KCNQ5: variants seen among roughly 807,000 people sequenced by gnomAD.
KCNQ5 encodes potassium voltage-gated channel subfamily KQT member 5.
Under a neutral mutation model 98.2 loss-of-function variants are expected in KCNQ5, and 30 were observed. That is an observed-to-expected ratio of 0.31 (90% CI 0.23 to 0.41). KCNQ5 has a LOEUF of 0.41. Among genes scored for constraint, KCNQ5 ranks in the 10% least tolerant of loss-of-function variants. KCNQ5 has a pLI of 1.00. For synonymous variants in KCNQ5, 458 were observed against 449.4 expected (o/e 1.02, Z -0.24); for missense variants, 835 against 1,182.5 (o/e 0.71, Z 4.31).
chr6:72,905,362 A>G (rs1377217043), intron 1 of KCNQ5, among the ~76,000 whole-genome samples: 1 of 151,974 alleles, frequency 6.6e-6, no homozygotes, highest in Non-Finnish European at 1.5e-5. Flanking sequence ...AACCTCCTGA[A>G]TTCTTTTACA....
At chr6:72,998,504 T>C (rs1769407985) in intron 1 of KCNQ5, among the ~76,000 whole-genome samples, 1 of 151,972 alleles carries the variant, frequency 6.6e-6, no homozygotes, top group Admixed American at 6.6e-5. Flanking sequence ...GGGAGGCCGA[T>C]GCGGGCGGAT....
chr6:72,958,411 C>T (rs1204099828), intron 1 of KCNQ5, among the ~76,000 whole-genome samples: 1 of 152,132 alleles, frequency 6.6e-6, no homozygotes, highest in African/African-American at 2.4e-5. Context: ...GGTTTAATAT[C>T]CTGCCTGTCT....
chr6:73,104,262 C>T (rs1774914520), intron 5 of KCNQ5, among the ~76,000 whole-genome samples: 1 of 152,014 alleles, frequency 6.6e-6, no homozygotes, highest in East Asian at 1.9e-4. Context: ...TTACAGGAGA[C>T]ACAATCAACA....
intron 2 of KCNQ5, among the ~76,000 whole-genome samples, chr6:73,027,847 C>T (rs1356441014): frequency 6.6e-6 from 1 of 152,078 alleles, no homozygotes; most frequent in East Asian, 1.9e-4. Context: ...AGATAAGATT[C>T]CACTGAATCC....
intron 1 of KCNQ5, among the ~76,000 whole-genome samples, chr6:72,676,257 G>A (rs1488302881): frequency 6.6e-6 from 1 of 152,188 alleles, no homozygotes; most frequent in Non-Finnish European, 1.5e-5. Flanking sequence ...TGGGAGAAGT[G>A]TGTGGGAATG....
chr6:73,129,774 C>G (rs1450614164), intron 9 of KCNQ5: 2 of 1,607,030 alleles, frequency 1.2e-6, no homozygotes, highest in Non-Finnish European at 1.7e-6. Flanking sequence ...ATGTGCTGCT[C>G]TATTTCCCTC....
intron 1 of KCNQ5, among the ~76,000 whole-genome samples, chr6:72,912,006 T>G (rs1779960836): frequency 6.6e-6 from 1 of 152,166 alleles, no homozygotes; most frequent in Non-Finnish European, 1.5e-5. Context: ...CATTCTTCAC[T>G]GCAAGCTTCA....
At chr6:72,730,716 C>T (rs985606714) in intron 1 of KCNQ5, among the ~76,000 whole-genome samples, 7 of 152,034 alleles carry the variant, frequency 4.6e-5, no homozygotes, top group African/African-American at 1.7e-4. Context: ...ATTACTGAGG[C>T]TTTATGGTGT....
At chr6:73,120,239 C>A (rs979127976) in intron 7 of KCNQ5, among the ~76,000 whole-genome samples, 1 of 151,930 alleles carries the variant, frequency 6.6e-6, no homozygotes, top group Non-Finnish European at 1.5e-5. Flanking sequence ...GAGTGAGAGT[C>A]CATCTCAAAA....
At chr6:73,067,886 AT>A (rs1562159075) in intron 3 of KCNQ5, among the ~76,000 whole-genome samples, 348 of 8,950 alleles carry the variant, frequency 0.039, 3 homozygotes, top group African/African-American at 0.065. Flanking sequence ...ATATATATAT[AT>A]ATATATATAT....
chr6:73,043,717 A>C (rs560313869), intron 3 of KCNQ5, among the ~76,000 whole-genome samples: 6 of 152,322 alleles, frequency 3.9e-5, no homozygotes, highest in African/African-American at 1.4e-4. Context: ...TTCATTCCAG[A>C]TTTTAAAACC....
chr6:73,036,954 C>T (rs1166388720), intron 2 of KCNQ5, among the ~76,000 whole-genome samples: 1 of 152,196 alleles, frequency 6.6e-6, no homozygotes, highest in Non-Finnish European at 1.5e-5. Context: ...TTTACATTCC[C>T]ATCAGCAGTG....
At chr6:72,890,588 C>G (rs1209246006) in intron 1 of KCNQ5, among the ~76,000 whole-genome samples, 1 of 152,112 alleles carries the variant, frequency 6.6e-6, no homozygotes, top group African/African-American at 2.4e-5. Context: ...AATTGTGCCA[C>G]CACTGGCACC....
intron 9 of KCNQ5, chr6:73,125,344 G>A (rs1261153498): frequency 4.0e-6 from 2 of 504,830 alleles, no homozygotes; most frequent in African/African-American, 3.9e-5. Flanking sequence ...CTAGATTTGA[G>A]AGCAAAGCCC....
At chr6:73,053,850 C>A (rs1405090014) in intron 3 of KCNQ5, among the ~76,000 whole-genome samples, 1 of 151,820 alleles carries the variant, frequency 6.6e-6, no homozygotes. Context: ...TCAAAATCTG[C>A]ACTAAACTGA....
intron 1 of KCNQ5, among the ~76,000 whole-genome samples, chr6:72,947,543 C>G (rs1562086592): frequency 6.6e-6 from 1 of 152,048 alleles, no homozygotes; most frequent in African/African-American, 2.4e-5. Flanking sequence ...AATGAAATAC[C>G]AATGGAAGTG....
chr6:72,809,391 A>G (rs1361296738), intron 1 of KCNQ5, among the ~76,000 whole-genome samples: 1 of 152,054 alleles, frequency 6.6e-6, no homozygotes, highest in Non-Finnish European at 1.5e-5. Context: ...TTAAAGTATA[A>G]TAATAAAAAA....
intron 1 of KCNQ5, among the ~76,000 whole-genome samples, chr6:72,754,303 T>C (rs1020870458): frequency 2.0e-5 from 3 of 152,170 alleles, no homozygotes; most frequent in Admixed American, 2.0e-4. Flanking sequence ...GTAATAGTTG[T>C]TGTTAATATG....
At chr6:73,126,132 T>G (rs190716143) in intron 9 of KCNQ5, among the ~76,000 whole-genome samples, 12 of 152,344 alleles carry the variant, frequency 7.9e-5, no homozygotes, top group Admixed American at 4.6e-4. Flanking sequence ...GGTGATATTT[T>G]AAAAGCTTTC....
Sources: allele counts gnomAD v4.1 joint callset (sites outside exome capture counted in the v4.1 genomes callset), GRCh38; gene constraint gnomAD v4.1.1; transcripts MANE v1.5; gene names NCBI Gene and HGNC (gene_info 2026-07-23, HGNC 2026-07-21).